Variants in EXOC2 observed in about 807,000 individuals in gnomAD.
EXOC2 encodes exocyst complex component 2, also known as SEC5-like 1.
In EXOC2, 70 loss-of-function variants were observed where a neutral mutation model predicts 131.8. The ratio of observed to expected loss-of-function variants is 0.53; its 90% CI spans 0.44 to 0.65. The LOEUF is 0.65. EXOC2 is among the 30% of genes least tolerant of loss of function. The pLI, the probability that EXOC2 is intolerant of heterozygous loss-of-function variation, is 0.00. For synonymous variants in EXOC2, 411 were observed against 398.4 expected, an observed-to-expected ratio of 1.03 and a Z score of -0.38; for missense variants, 923 against 1,108.6, an observed-to-expected ratio of 0.83 and a Z score of 2.38.
chr6:635,978 G>A (rs1232040762), intron 2 of EXOC2, among the ~76,000 whole-genome samples: 2 of 152,372 alleles, frequency 1.3e-5, no homozygotes, highest in African/African-American at 4.8e-5. Flanking sequence ...CAGGAGAATC[G>A]CTTGAACCCA....
At position 629,839 on chromosome 6, in the gene EXOC2, C is replaced by G. The variant is rs1319082061; in HGVS notation, c.418G>C (p.Glu140Gln). 6.2e-7 allele frequency: 1 copy of G among 1,613,302 alleles called. No individual in the cohort carries two copies. The highest frequency in any genetic ancestry group is 1.3e-5 in the African/African-American group (1 of 74,860). The change falls in exon 4 of 28, where the codon GAA becomes CAA. Residue 140 changes from glutamate (E) to glutamine (Q), a missense_variant. Transcript: ENST00000230449. The stretch of plus-strand genomic sequence containing the variant: ...TGAAAGCAAGATGGTACTCACTTTT[C>G]AATCTCAATGCCAAGCGGGTTAGCA... ...RPANPLGIEI[E>Q]KSKFSQKDLE...
intron 11 of EXOC2, among the ~76,000 whole-genome samples, chr6:582,793 A>G (rs1197763930): frequency 1.3e-5 from 2 of 152,082 alleles, no homozygotes; most frequent in East Asian, 3.8e-4. Flanking sequence ...TGACAGGGGC[A>G]TTTCCTTAAT....
chr6:557,511 G>C lies in EXOC2; in HGVS notation c.1852-947C>G, dbSNP rs527995091. Among the ~76,000 whole-genome samples, 7 of 151,750 alleles carry C rather than the reference G, an allele frequency of 4.6e-5. No individual in the cohort carries two copies. The South Asian group carries it at 1.5e-3, about 32-fold the overall frequency. On this transcript the variant is annotated intron_variant, in intron 17 of 27. Coordinates refer to ENST00000230449, the MANE Select transcript of EXOC2 (RefSeq NM_018303.6). ...CACGCGCCTGTAGTCCCAGCTACTC[G>C]GGAGGCTGAGACAGGAGAATCGCTT...
Position 629,865 on chromosome 6 carries a change from G to T in EXOC2, c.392C>A (p.Pro131His), listed in dbSNP as rs1761756689. 6.2e-7 allele frequency: 1 copy of T among 1,613,924 alleles called. No homozygotes were observed. The highest frequency in any genetic ancestry group is 1.7e-5 in the Admixed American group (1 of 59,994). Residue 131 changes from proline to histidine, a missense_variant, in exon 4 of 28, where the codon CCT (proline) becomes CAT (histidine). By Grantham distance (77) the Pro-to-His change is moderately conservative (BLOSUM62 -2). Transcript: ENST00000230449. Reference protein sequence around the residue: ...NKGIPPLSLRPANPLGIEIEK... With the variant: ...NKGIPPLSLRHANPLGIEIEK... The stretch of plus-strand genomic sequence containing the variant: ...AATCTCAATGCCAAGCGGGTTAGCA[G>T]GACGTAAGGACAAGGGCGGAATTCC...
intron 6 of EXOC2, among the ~76,000 whole-genome samples, chr6:613,141 G>T (rs928686890): frequency 6.6e-6 from 1 of 152,164 alleles, no homozygotes; most frequent in Non-Finnish European, 1.5e-5. Context: ...ACAGAGGGAA[G>T]GCCATGGCAA....
At position 590,951 on chromosome 6, in the gene EXOC2, G is replaced by A. The variant is rs573805436; in HGVS notation, c.1192+1518C>T. Among the ~76,000 whole-genome samples, 83 of 152,238 alleles carry A rather than the reference G, an allele frequency of 5.5e-4. 1 individual carries two copies. The East Asian group carries it at 0.012, about 23-fold the overall frequency. On this transcript the variant is annotated intron_variant, in intron 11 of 27. Coordinates refer to ENST00000230449, the MANE Select transcript of EXOC2 (RefSeq NM_018303.6). The stretch of plus-strand genomic sequence containing the variant: ...AGTCAAGCTGTCCAAACAAAGAGGC[G>A]GAATCACTTTTCTCCCCTATGTTCC...
chr6:492,294 A>G (rs560731026), intron 25 of EXOC2, among the ~76,000 whole-genome samples: 3 of 152,334 alleles, frequency 2.0e-5, no homozygotes, highest in Non-Finnish European at 2.9e-5. Flanking sequence ...AGACATTGGA[A>G]CCCTCAAAAA....
chr6:680,726 A>G (rs946747464), intron 1 of EXOC2, among the ~76,000 whole-genome samples: 1 of 152,094 alleles, frequency 6.6e-6, no homozygotes, highest in Non-Finnish European at 1.5e-5. Flanking sequence ...CTGTAAATTA[A>G]CTATCTTAAG....
chr6:515,790 G>T (rs1006704958), intron 23 of EXOC2, among the ~76,000 whole-genome samples: 1 of 152,078 alleles, frequency 6.6e-6, no homozygotes, highest in Non-Finnish European at 1.5e-5. Context: ...ATCATACAAC[G>T]ATTTCCAACA....
In EXOC2 at chr6:551,971, C is replaced by T. The variant is rs541749496; in HGVS notation, c.2121+1883G>A. Among the ~76,000 whole-genome samples, 3 of 152,324 alleles carry T rather than the reference C, an allele frequency of 2.0e-5. 1 individual carries two copies. The South Asian group carries it at 6.2e-4, about 32-fold the overall frequency. On this transcript the variant is annotated intron_variant, in intron 21 of 27. Transcript: ENST00000230449. The stretch of plus-strand genomic sequence containing the variant: ...TCTCTCATTCAGTGAGGGTAGGGTT[C>T]CCCAGCTTCCCTCGCTTTCTCTCCG...
At chr6:603,867 T>C (rs1760249407) in intron 7 of EXOC2, among the ~76,000 whole-genome samples, 2 of 152,186 alleles carry the variant, frequency 1.3e-5, no homozygotes, top group African/African-American at 2.4e-5. Flanking sequence ...CTTAAAAATA[T>C]TTTCACTAGA....
At chr6:665,786 G>C (rs1350217885) in intron 1 of EXOC2, among the ~76,000 whole-genome samples, 3 of 152,022 alleles carry the variant, frequency 2.0e-5, no homozygotes, top group Non-Finnish European at 4.4e-5. Context: ...GGGGGAAGAG[G>C]GGGAGGGGGT....
rs745798910 is a variant in EXOC2, at chr6:629,946, G to A, written c.311C>T (p.Ser104Phe). 2.5e-6 allele frequency: 4 copies of A among 1,613,874 alleles called. No homozygotes were observed. The highest frequency in any genetic ancestry group is 3.4e-6 in the Non-Finnish European group (4 of 1,179,860). Residue 104 changes from serine to phenylalanine, a missense_variant, in exon 4 of 28, where the codon TCT becomes TTT. Transcript: ENST00000230449. ...ATTCATTTCATCAACCCACACAGCA[G>A]ACTGATCCAAAATGCCTACAGAAAT... ...KPEKIGILDQ[S>F]AVWVDEMNYY...
chr6:639,155 G>C (rs942527673), intron 1 of EXOC2, among the ~76,000 whole-genome samples: 1 of 152,154 alleles, frequency 6.6e-6, no homozygotes, highest in African/African-American at 2.4e-5. Flanking sequence ...AAGAGCACCA[G>C]GACTCAGAGA....
At chr6:630,025 G>C in intron 3 of EXOC2, 64 bp from the exon 4 acceptor site, 1 of 1,571,340 alleles carries the variant, frequency 6.4e-7, no homozygotes, top group Non-Finnish European at 8.6e-7. Context: ...TCTACGTCTG[G>C]CCTATTGTCT....
At chr6:635,595 G>A (rs1194723301) in intron 2 of EXOC2, among the ~76,000 whole-genome samples, 2 of 152,104 alleles carry the variant, frequency 1.3e-5, no homozygotes, top group African/African-American at 2.4e-5. Context: ...AAAAAAAAAA[G>A]TAACTCATAG....
intron 10 of EXOC2, among the ~76,000 whole-genome samples, chr6:594,404 T>G (rs1759702674): frequency 6.6e-6 from 1 of 152,236 alleles, no homozygotes; most frequent in South Asian, 2.1e-4. Context: ...ATAGGCTTGT[T>G]TTGCCTCCCA....
At chr6:675,171 C>T (rs1378321118) in intron 1 of EXOC2, among the ~76,000 whole-genome samples, 1 of 152,168 alleles carries the variant, frequency 6.6e-6, no homozygotes, top group Non-Finnish European at 1.5e-5. Flanking sequence ...TCTTATCCTG[C>T]TTGTTGATAA....
chr6:517,796 T>C (rs1249755400), intron 23 of EXOC2, among the ~76,000 whole-genome samples: 1 of 152,198 alleles, frequency 6.6e-6, no homozygotes, highest in Admixed American at 6.5e-5. Context: ...AGCTTCATTA[T>C]TAACCACAAA....
Sources: allele counts gnomAD v4.1 joint callset (sites outside exome capture counted in the v4.1 genomes callset), GRCh38; gene constraint gnomAD v4.1.1; transcripts MANE v1.5; gene names NCBI Gene and HGNC (gene_info 2026-07-23, HGNC 2026-07-21).